Variants in KDM5A observed in about 807,000 individuals in gnomAD.
KDM5A encodes the protein lysine-specific demethylase 5A.
KDM5A carries 42 observed loss-of-function variants against 193.5 expected under a neutral mutation model. That is an observed-to-expected ratio of 0.22 (90% CI 0.17 to 0.28). KDM5A has a LOEUF of 0.28. Ranked by LOEUF, KDM5A falls within the 10% of genes least tolerant of loss-of-function variation. The pLI is 1.00. For missense variants in KDM5A, 1,692 were observed against 2,055.1 expected (o/e 0.82, Z 3.42); for synonymous variants, 796 against 718.1 (o/e 1.11, Z -1.73).
intron 3 of KDM5A, among the ~76,000 whole-genome samples, chr12:375,752 G>C (rs942291078): frequency 2.1e-4 from 32 of 152,156 alleles, no homozygotes; most frequent in African/African-American, 7.0e-4. Context: ...GTACAAATGG[G>C]ATTTTGGTGT....
intron 17 of KDM5A, 37 bp from the exon 18 acceptor site, chr12:321,146 A>G (rs1943711202): frequency 7.0e-7 from 1 of 1,433,900 alleles, no homozygotes; most frequent in African/African-American, 1.4e-5. Context: ...AGTAAGAAAA[A>G]TTCAGTCATT....
At chr12:318,027 T>A in intron 19 of KDM5A, 79 bp downstream of exon 19, 4 of 1,053,498 alleles carry the variant, frequency 3.8e-6, no homozygotes, top group Non-Finnish European at 1.5e-6. Context: ...TTTAATGAAA[T>A]AAGCTTTTAA....
At position 365,965 on chromosome 12, in the gene KDM5A, T is replaced by C; in HGVS notation, c.506A>G (p.Tyr169Cys). ...KSHYERILYP[Y>C]ELFQSGVSLM... ...GCTCACACCAGACTGGAAAAGCTCA[T>C]ATGGGTAGAGAATTCTTTCATAATG... Residue 169 changes from tyrosine to cysteine, a missense_variant, in exon 4 of 28, where the codon TAT (tyrosine) becomes TGT (cysteine). Around this residue, in one of 11 missense-constraint regions of KDM5A, gnomAD observed 120 missense variants for 172.0 expected, o/e 0.70. Transcript: ENST00000399788. 1 of 1,614,068 alleles carries C rather than the reference T, an allele frequency of 6.2e-7. No individual in the cohort carries two copies. Among genetic ancestry groups the C allele is most frequent in the Admixed American group, 1.7e-5 (1 of 60,024 alleles).
At chr12:346,299 A>C (rs866717050) in intron 10 of KDM5A, among the ~76,000 whole-genome samples, 1 of 152,226 alleles carries the variant, frequency 6.6e-6, no homozygotes, top group South Asian at 2.1e-4. Flanking sequence ...AAAGTCCAGG[A>C]CCAGATGGAT....
intron 10 of KDM5A, among the ~76,000 whole-genome samples, chr12:336,338 A>G (rs1337830547): frequency 6.7e-6 from 1 of 149,892 alleles, no homozygotes; most frequent in African/African-American, 2.5e-5. Flanking sequence ...CCTGAAAGAC[A>G]GAGTGAGACC....
rs149594809 is a variant in KDM5A, at chr12:336,714, GC to G, written c.1309-2293del. ...AAATCAGCCAAGCGTGGTGGTGCAT[GC>G]CTGTGGCCCCAGATACTCAGGAGGC... On this transcript the variant is annotated intron_variant, in intron 10 of 27. Coordinates refer to ENST00000399788, the MANE Select transcript of KDM5A (RefSeq NM_001042603.3). Among the ~76,000 whole-genome samples the G allele has an allele frequency of 9.2e-3, 1,402 of 152,042 alleles. 28 individuals are homozygous for G. Among genetic ancestry groups the G allele is most frequent in the African/African-American group, 0.032 (1,308 of 41,474 alleles).
chr12:308,101 CAGTTAT>C, intron 22 of KDM5A, 96 bp from the exon 23 acceptor site: 3 of 1,343,772 alleles, frequency 2.2e-6, no homozygotes, highest in Non-Finnish European at 2.1e-6. Flanking sequence ...CCCAAGTTAT[CAGTTAT>C]AAACAGTTTC....
chr12:293,479 C>A lies in KDM5A; in HGVS notation c.4456-310G>T, dbSNP rs75178705. 8.7e-3 allele frequency among the ~76,000 whole-genome samples: 1,323 copies of A among 152,086 alleles called. 13 individuals are homozygous for A. Among genetic ancestry groups the A allele is most frequent in the Middle Eastern group, 0.024 (7 of 294 alleles). On this transcript the variant is annotated intron_variant, in intron 26 of 27. Transcript: ENST00000399788. Reference sequence around the variant, plus strand: ...ACTTTATGTTATGTACATTATGCTACAATAAAAAAGATTTATGGGCCAGGC... The same window carrying A: ...ACTTTATGTTATGTACATTATGCTAAAATAAAAAAGATTTATGGGCCAGGC...
At chr12:287,924 T>C (rs1036970799) in intron 27 of KDM5A, among the ~76,000 whole-genome samples, 11 of 152,190 alleles carry the variant, frequency 7.2e-5, no homozygotes, top group Admixed American at 6.5e-4. Flanking sequence ...GACAATACTT[T>C]CCCTTTTGTG....
chr12:348,275 G>A (rs1412341790), intron 10 of KDM5A, among the ~76,000 whole-genome samples: 1 of 152,198 alleles, frequency 6.6e-6, no homozygotes, highest in African/African-American at 2.4e-5. Context: ...GTGCTGGAGA[G>A]GATGTGGAGA....
chr12:319,181 T>G (rs1199673965), intron 18 of KDM5A, among the ~76,000 whole-genome samples: 6 of 152,152 alleles, frequency 3.9e-5, no homozygotes, highest in Non-Finnish European at 8.8e-5. Flanking sequence ...ATTTTTACCA[T>G]AGGGAAGTGA....
At chr12:381,856 G>C (rs1591942963) in intron 3 of KDM5A, among the ~76,000 whole-genome samples, 1 of 152,114 alleles carries the variant, frequency 6.6e-6, no homozygotes, top group African/African-American at 2.4e-5. Flanking sequence ...ACTCAAGCTG[G>C]AATGCAGTGG....
intron 3 of KDM5A, among the ~76,000 whole-genome samples, chr12:375,256 T>C (rs951694111): frequency 6.6e-6 from 1 of 152,234 alleles, no homozygotes; most frequent in Non-Finnish European, 1.5e-5. Flanking sequence ...CCCACATTTC[T>C]TGGAGGCTTT....
chr12:340,982 T>G (rs1431109263), intron 10 of KDM5A, among the ~76,000 whole-genome samples: 1 of 152,142 alleles, frequency 6.6e-6, no homozygotes, highest in African/African-American at 2.4e-5. Flanking sequence ...ATGAGTATGT[T>G]TTCATAAAAT....
intron 12 of KDM5A, among the ~76,000 whole-genome samples, chr12:332,888 T>C (rs1943881818): frequency 6.6e-6 from 1 of 152,170 alleles, no homozygotes; most frequent in Admixed American, 6.5e-5. Flanking sequence ...TAACAAAGAA[T>C]ATGAGATTTT....
intron 27 of KDM5A, among the ~76,000 whole-genome samples, chr12:287,510 A>G (rs549520354): frequency 7.0e-4 from 106 of 152,140 alleles, no homozygotes; most frequent in African/African-American, 2.3e-3. Flanking sequence ...AAAAAAAAAA[A>G]AGGGGGAAAT....
At chr12:320,240 T>C (rs963893813) in intron 18 of KDM5A, among the ~76,000 whole-genome samples, 1 of 152,204 alleles carries the variant, frequency 6.6e-6, no homozygotes, top group Non-Finnish European at 1.5e-5. Context: ...CTCATGCCTG[T>C]AATCCCAGCA....
At chr12:378,270 G>GC (rs1216253974) in intron 3 of KDM5A, among the ~76,000 whole-genome samples, 1 of 152,002 alleles carries the variant, frequency 6.6e-6, no homozygotes, top group Admixed American at 6.6e-5. Context: ...TTCATTTTAA[G>GC]CCCCCTTTTT....
intron 3 of KDM5A, among the ~76,000 whole-genome samples, chr12:380,296 C>T (rs1356257070): frequency 6.6e-6 from 1 of 151,610 alleles, no homozygotes; most frequent in African/African-American, 2.4e-5. Context: ...AACTTACCAT[C>T]AGATTAAACC....
Sources: gnomAD v4.1 joint callset for allele counts (sites outside exome capture counted in the v4.1 genomes callset) on GRCh38, gnomAD v4.1.1 for gene constraint, gnomAD v4.1.1 regional missense constraint, MANE v1.5 for transcripts, NCBI Gene and HGNC (gene_info 2026-07-23, HGNC 2026-07-21) for gene names.